The following MOG variants were observed in gnomAD, a reference collection of about 807,000 sequenced individuals.
The protein encoded by MOG is myelin-oligodendrocyte glycoprotein.
Under a neutral mutation model 35.9 loss-of-function variants are expected in MOG, and 20 were observed. That is an observed-to-expected ratio of 0.56 (90% confidence interval 0.39 to 0.81). The LOEUF (loss-of-function observed/expected upper bound fraction) is 0.81. Ranked by LOEUF, MOG falls within the 30% of genes least tolerant of loss-of-function variation. MOG has a pLI of 0.00. For synonymous variants in MOG, 92 were observed against 114.3 expected, an observed-to-expected ratio of 0.80 and a Z score of 1.25; for missense variants, 251 against 301.0, an observed-to-expected ratio of 0.83 and a Z score of 1.23.
Position 29,670,677 on chromosome 6 carries a change from ATATT to A in MOG, c.710-22_710-19del. The A allele has an allele frequency of 1.2e-6, 2 of 1,611,908 alleles. No individual in the cohort carries two copies. The highest frequency in any genetic ancestry group is 1.7e-6 in the Non-Finnish European group (2 of 1,179,446). On this transcript the variant is annotated intron_variant, in intron 6 of 7. Coordinates refer to ENST00000376917, the MANE Select transcript of MOG (RefSeq NM_206809.4). This position sits in a 1 kb window ranked among gnomAD's most constrained non-coding sequence, Gnocchi z 4.2. ...GTGCTATTCATCTTCCACTAATCACATATTTGTTTCTTTTTGTTTTCAGGGCAAT... is the reference window on the plus strand; with the variant it reads ...GTGCTATTCATCTTCCACTAATCACATGTTTCTTTTTGTTTTCAGGGCAAT...
At position 29,671,341 on chromosome 6, in the gene MOG, A is replaced by G; in HGVS notation, c.*156A>G. 6.2e-7 allele frequency: 1 copy of G among 1,611,900 alleles called. No individual in the cohort carries two copies. Among genetic ancestry groups the G allele is most frequent in the Admixed American group, 1.7e-5 (1 of 60,022 alleles). ...AGGAACACTCTGAATTCCAAGTAGA[A>G]TTGATTTCCCTTCTTCTGTCATCTA... On this transcript the variant is annotated 3_prime_UTR_variant, in exon 8 of 8. Coordinates refer to ENST00000376917, the MANE Select transcript of MOG (RefSeq NM_206809.4).
chr6:29,669,893 C>T (rs1385638300), intron 5 of MOG, among the ~76,000 whole-genome samples: 2 of 151,766 alleles, frequency 1.3e-5, no homozygotes, highest in Non-Finnish European at 2.9e-5. Context: ...GCCTCAGCCT[C>T]CTGAGTAGCT....
At chr6:29,659,996 A>G (rs1768154656) in intron 2 of MOG, 1 of 416,178 alleles carries the variant, frequency 2.4e-6, no homozygotes, top group Non-Finnish European at 4.5e-6. Context: ...ATAAGGTATT[A>G]TTGAGTGATA....
chr6:29,671,689 A>C lies in MOG; in HGVS notation c.*504A>C, dbSNP rs973746167. On this transcript the variant is annotated 3_prime_UTR_variant, in exon 8 of 8. Coordinates refer to ENST00000376917, the MANE Select transcript of MOG (RefSeq NM_206809.4). ...TTGAAGAGAGAGCTGAGTGAGCTGA[A>C]GAGTGAGGATATGAGTAGCCCCAAC... 6.7e-6 allele frequency: 4 copies of C among 599,296 alleles called. No individual in the cohort carries two copies. Among genetic ancestry groups the C allele is most frequent in the African/African-American group, 5.6e-5 (3 of 53,864 alleles). The allele number at this position is 599,296 out of a possible 1,614,324, so 37.1% of individuals were successfully genotyped here.
chr6:29,667,565 C>G, intron 3 of MOG, 78 bp from the exon 4 acceptor site: 1 of 1,466,008 alleles, frequency 6.8e-7, no homozygotes, highest in South Asian at 1.1e-5. Flanking sequence ...CACAAGGGGC[C>G]CAGGCGCTGG....
intron 2 of MOG, 146 bp downstream of exon 2, chr6:29,659,812 CATGCTT>C (rs757879841): frequency 7.7e-5 from 56 of 724,184 alleles, no homozygotes; most frequent in Non-Finnish European, 1.2e-4. Flanking sequence ...AACAGAAACT[CATGCTT>C]AGGGATGTCT....
In MOG at chr6:29,670,313, A is replaced by T; in HGVS notation, c.625A>T (p.Ile209Leu). 6.2e-7 allele frequency: 1 copy of T among 1,614,166 alleles called. No homozygotes were observed. Among genetic ancestry groups the T allele is most frequent in the Non-Finnish European group, 8.5e-7 (1 of 1,180,030 alleles). ...CTTTCTGAGGGTGCCCTGCTGGAAG[A>T]TAACCCTGTTTGTAATTGTGCCGGT... ...PHFLRVPCWK[I>L]TLFVIVPVLG... Residue 209 changes from isoleucine (I) to leucine (L), a missense_variant, in exon 6 of 8, where the codon ATA (isoleucine) becomes TTA (leucine). Physicochemically the swap from Ile to Leu is conservative, Grantham distance 5. Coordinates refer to ENST00000376917, the MANE Select transcript of MOG (RefSeq NM_206809.4). The surrounding 1 kb of genome is among the most constrained non-coding windows in gnomAD (Gnocchi z 4.2).
intron 2 of MOG, chr6:29,664,752 G>A (rs1040429660): frequency 5.5e-6 from 2 of 364,640 alleles, no homozygotes; most frequent in Non-Finnish European, 1.1e-5. Flanking sequence ...CCACAGGCTT[G>A]TGTCACCATG....
At position 29,670,653 on chromosome 6, in the gene MOG, T is replaced by C; in HGVS notation, c.710-48T>C. On this transcript the variant is annotated intron_variant, in intron 6 of 7. Coordinates refer to ENST00000376917, the MANE Select transcript of MOG (RefSeq NM_206809.4). This position sits in a 1 kb window ranked among gnomAD's most constrained non-coding sequence, Gnocchi z 4.2. ...GTCCATAGGGAGGATGTGGGGAAGGTGCTATTCATCTTCCACTAATCACAT... is the reference window on the plus strand; with the variant it reads ...GTCCATAGGGAGGATGTGGGGAAGGCGCTATTCATCTTCCACTAATCACAT... 2 of 1,607,238 alleles carry C rather than the reference T, an allele frequency of 1.2e-6. No individual in the cohort carries two copies. Among genetic ancestry groups the C allele is most frequent in the Non-Finnish European group, 8.5e-7 (1 of 1,176,990 alleles).
At position 29,667,655 on chromosome 6, in the gene MOG, C is replaced by G. The variant is rs1770513865; in HGVS notation, c.563C>G (p.Ala188Gly). 15 of 1,613,918 alleles carry G rather than the reference C, an allele frequency of 9.3e-6. No homozygotes were observed. The highest frequency in any genetic ancestry group is 1.3e-5 in the African/African-American group (1 of 74,858). Residue 188 changes from alanine (A) to glycine (G), a missense_variant, in exon 4 of 8, where the codon GCA (alanine) becomes GGA (glycine). By Grantham distance (60) the Ala-to-Gly change is moderately conservative. Coordinates refer to ENST00000376917, the MANE Select transcript of MOG (RefSeq NM_206809.4). Reference sequence around the variant, plus strand: ...TTTTCTATTTTAGGAAAACTTCGAGCAGAGATAGGTGAGTTCCAGTCATCG... The same window carrying G: ...TTTTCTATTTTAGGAAAACTTCGAGGAGAGATAGGTGAGTTCCAGTCATCG... ...LQYRLRGKLR[A>G]EIENLHRTFD...
At chr6:29,667,539 G>T in intron 3 of MOG, 104 bp from the exon 4 acceptor site, 2 of 1,153,734 alleles carry the variant, frequency 1.7e-6, no homozygotes, top group Non-Finnish European at 2.6e-6. Flanking sequence ...TTTCCAGGCT[G>T]CAGAGAAATA....
intron 5 of MOG, among the ~76,000 whole-genome samples, chr6:29,669,392 G>A (rs1053499779): frequency 5.3e-5 from 8 of 151,962 alleles, no homozygotes; most frequent in African/African-American, 1.7e-4. Context: ...CTGGGTTCAA[G>A]CGATTCTCCT....
rs1771360997 is a variant in MOG at position 29,670,997 on chromosome 6, A to G, written c.731-175A>G. 6.2e-7 allele frequency: 1 copy of G among 1,612,046 alleles called. No individual in the cohort carries two copies. The highest frequency in any genetic ancestry group is 1.7e-5 in the Admixed American group (1 of 59,952). On this transcript the variant is annotated intron_variant, in intron 7 of 7. Transcript: ENST00000376917. This position sits in a 1 kb window ranked among gnomAD's most constrained non-coding sequence, Gnocchi z 4.2. Reference sequence around the variant, plus strand: ...TGCCCCTAAGCAGGAATCCAACCCTAGCTGGTCTCATTGCCCATTCCACAG... The same window carrying G: ...TGCCCCTAAGCAGGAATCCAACCCTGGCTGGTCTCATTGCCCATTCCACAG...
chr6:29,671,089 G>A, intron 7 of MOG, 83 bp from the exon 8 acceptor site: 1 of 1,612,736 alleles, frequency 6.2e-7, no homozygotes. Context: ...ATGACCCCAA[G>A]GGCTTTTCTT....
rs757458029 is a variant in MOG at position 29,670,943 on chromosome 6, A to G, written c.730+222A>G. ...TGGCAGAGAAGCTGGAGGCACTCCT[A>G]TCTGCCACCTGATCCATTCCTCCTT... On this transcript the variant is annotated intron_variant, in intron 7 of 7. Coordinates refer to ENST00000376917, the MANE Select transcript of MOG (RefSeq NM_206809.4). This position sits in a 1 kb window ranked among gnomAD's most constrained non-coding sequence, Gnocchi z 4.2. 4.3e-6 allele frequency: 7 copies of G among 1,611,942 alleles called. 1 individual carries two copies. In the South Asian group the frequency reaches 6.6e-5, roughly 15 times the overall value.
In MOG at chr6:29,670,170, CCA is replaced by C. The variant is rs1771140831; in HGVS notation, c.593-110_593-109del. 6.3e-7 allele frequency: 1 copy of C among 1,593,882 alleles called. No individual in the cohort carries two copies. The highest frequency in any genetic ancestry group is 1.3e-5 in the African/African-American group (1 of 74,486). ...TTCATGGACTTTCTGAATTTTGTCC[CCA>C]GAGTCCTTTGGTGTTCTAGGACCCC... On this transcript the variant is annotated intron_variant, in intron 5 of 7. Coordinates refer to ENST00000376917, the MANE Select transcript of MOG (RefSeq NM_206809.4). The surrounding 1 kb of genome is among the most constrained non-coding windows in gnomAD (Gnocchi z 4.2).
Position 29,670,763 on chromosome 6 carries a change from C to T in MOG, c.730+42C>T. 1 of 1,609,278 alleles carries T rather than the reference C, an allele frequency of 6.2e-7. No individual in the cohort carries two copies. The highest frequency in any genetic ancestry group is 8.5e-7 in the Non-Finnish European group (1 of 1,178,044). ...CTGTTATAAGCAGAGAATAAAAAGC[C>T]AGGAAAGGGAGACAGAAGCAACAAG... is the stretch of plus-strand genomic sequence containing the variant. On this transcript the variant is annotated intron_variant, in intron 7 of 7. Transcript: ENST00000376917. This position sits in a 1 kb window ranked among gnomAD's most constrained non-coding sequence, Gnocchi z 4.2.
intron 3 of MOG, 44 bp from the exon 4 acceptor site, chr6:29,667,599 G>T: frequency 5.0e-6 from 8 of 1,613,438 alleles, no homozygotes; most frequent in Non-Finnish European, 6.8e-6. Flanking sequence ...CCCACCGAGA[G>T]CCAGAACATG....
intron 3 of MOG, among the ~76,000 whole-genome samples, chr6:29,666,943 G>A (rs935956027): frequency 2.0e-5 from 3 of 152,144 alleles, no homozygotes; most frequent in Non-Finnish European, 4.4e-5. Flanking sequence ...AATGTTCTGG[G>A]GGAATGGGTG....
Sources: gnomAD v4.1 joint callset for allele counts (sites outside exome capture counted in the v4.1 genomes callset) on GRCh38, gnomAD v4.1.1 for gene constraint, Gnocchi (gnomAD v3.1) non-coding constraint, MANE v1.5 for transcripts, NCBI Gene and HGNC (gene_info 2026-07-23, HGNC 2026-07-21) for gene names.